CAMTA1: variants seen among roughly 807,000 people sequenced by gnomAD.
CAMTA1 encodes calmodulin binding transcription activator 1.
CAMTA1 carries 27 observed loss-of-function variants against 170.9 expected under a neutral mutation model. The observed-to-expected ratio is 0.16, with a 90% CI of 0.12 to 0.22. The LOEUF is 0.22. Among genes scored for constraint, CAMTA1 ranks in the 10% least tolerant of loss-of-function variants. CAMTA1 has a pLI of 1.00. For synonymous variants in CAMTA1, 833 were observed against 891.5 expected, an observed-to-expected ratio of 0.93 and a Z score of 1.17; for missense variants, 1,619 against 2,217.2, an observed-to-expected ratio of 0.73 and a Z score of 5.42.
At chr1:7,608,560 T>C (rs528389318) in intron 6 of CAMTA1, among the ~76,000 whole-genome samples, 46 of 152,284 alleles carry the variant, frequency 3.0e-4, no homozygotes, top group East Asian at 2.9e-3. Flanking sequence ...GGGAAAGGGA[T>C]TGGGGCTCCA....
chr1:6,926,593 C>G (rs1683308594), intron 3 of CAMTA1, among the ~76,000 whole-genome samples: 1 of 127,768 alleles, frequency 7.8e-6, no homozygotes, highest in East Asian at 2.3e-4. Flanking sequence ...TCTCCCTTTC[C>G]TTTCCTCTCT....
chr1:7,088,189 C>T (rs1004624530), intron 3 of CAMTA1, among the ~76,000 whole-genome samples: 2 of 152,204 alleles, frequency 1.3e-5, no homozygotes, highest in Non-Finnish European at 1.5e-5. Flanking sequence ...GCATCAGCTT[C>T]CTCGGAAAGG....
chr1:6,890,040 T>A (rs1433916453), intron 3 of CAMTA1, among the ~76,000 whole-genome samples: 1 of 152,188 alleles, frequency 6.6e-6, no homozygotes, highest in Non-Finnish European at 1.5e-5. Context: ...GACCTGATTT[T>A]AAAGAGCAGT....
chr1:7,025,946 C>G (rs1701957685), intron 3 of CAMTA1, among the ~76,000 whole-genome samples: 1 of 151,996 alleles, frequency 6.6e-6, no homozygotes, highest in African/African-American at 2.4e-5. Context: ...ATGGCAAGAC[C>G]CTGTCTCTAC....
intron 11 of CAMTA1, among the ~76,000 whole-genome samples, chr1:7,695,545 A>G (rs1236960271): frequency 1.3e-5 from 2 of 152,156 alleles, no homozygotes; most frequent in Non-Finnish European, 2.9e-5. Flanking sequence ...ACAGAGCACG[A>G]TCCATGGTAT....
intron 11 of CAMTA1, among the ~76,000 whole-genome samples, chr1:7,700,137 T>C (rs1336322866): frequency 6.6e-6 from 1 of 151,492 alleles, no homozygotes; most frequent in African/African-American, 2.5e-5. Flanking sequence ...GTATTTTTTT[T>C]CCAAGAGTTT....
intron 7 of CAMTA1, among the ~76,000 whole-genome samples, chr1:7,653,882 C>T (rs1433482184): frequency 1.3e-5 from 2 of 152,188 alleles, no homozygotes; most frequent in Non-Finnish European, 2.9e-5. Context: ...TAGGGACAGG[C>T]ATGAGCAGCC....
chr1:7,479,031 G>A (rs888943675), intron 6 of CAMTA1, among the ~76,000 whole-genome samples: 1 of 152,164 alleles, frequency 6.6e-6, no homozygotes. Context: ...AGACGTGGGC[G>A]GTGGGTGACC....
intron 6 of CAMTA1, among the ~76,000 whole-genome samples, chr1:7,477,573 C>T (rs948865775): frequency 1.3e-5 from 2 of 152,180 alleles, no homozygotes; most frequent in African/African-American, 4.8e-5. Flanking sequence ...GCTGTACCCA[C>T]CTAAAGCCTC....
At chr1:7,094,583 C>T (rs573237383) in intron 4 of CAMTA1, among the ~76,000 whole-genome samples, 10 of 152,238 alleles carry the variant, frequency 6.6e-5, no homozygotes, top group African/African-American at 2.2e-4. Context: ...CCCTGCTTGT[C>T]TCTGTGGCTT....
rs191764544 is a variant in CAMTA1 at position 6,885,975 on chromosome 1, G to A, written c.234+60765G>A. 4.6e-5 allele frequency among the ~76,000 whole-genome samples: 7 copies of A among 152,322 alleles called. No individual in the cohort carries two copies. The East Asian group carries it at 1.4e-3, about 29-fold the overall frequency. ...TTGGTTCACTCTTACCCTGGGCACT[G>A]CTTCCCATGTCCTGTGCGGGCCCTT... On this transcript the variant is annotated intron_variant, in intron 3 of 22. Coordinates refer to ENST00000303635, the MANE Select transcript of CAMTA1 (RefSeq NM_015215.4).
chr1:7,413,041 G>A (rs997901538), intron 5 of CAMTA1, among the ~76,000 whole-genome samples: 126 of 150,414 alleles, frequency 8.4e-4, no homozygotes, highest in African/African-American at 2.9e-3. Context: ...GTTTTTCTCA[G>A]GTTTGTCAAA....
At chr1:7,737,631 G>A in intron 15 of CAMTA1, 61 bp downstream of exon 15, 1 of 1,432,624 alleles carries the variant, frequency 7.0e-7, no homozygotes, top group Non-Finnish European at 9.5e-7. Flanking sequence ...CTTTCATGCA[G>A]CTGCCCTCAG....
intron 3 of CAMTA1, among the ~76,000 whole-genome samples, chr1:6,991,166 G>A (rs1696312703): frequency 6.6e-6 from 1 of 152,056 alleles, no homozygotes; most frequent in Non-Finnish European, 1.5e-5. Context: ...TAGGTTTCCA[G>A]TTTTTGGCTA....
chr1:7,279,867 C>A (rs1254182803), intron 5 of CAMTA1, among the ~76,000 whole-genome samples: 1 of 152,010 alleles, frequency 6.6e-6, no homozygotes, highest in Admixed American at 6.5e-5. Flanking sequence ...TCCCTCTAGA[C>A]CAAAAAAAAA....
chr1:7,136,746 A>G (rs1469143843), intron 4 of CAMTA1, among the ~76,000 whole-genome samples: 10 of 152,120 alleles, frequency 6.6e-5, no homozygotes, highest in Admixed American at 5.2e-4. Flanking sequence ...CTGGTCGATG[A>G]GTGGCATTTG....
intron 4 of CAMTA1, among the ~76,000 whole-genome samples, chr1:7,103,962 T>TAC (rs1427065327): frequency 7.1e-6 from 1 of 141,330 alleles, no homozygotes; most frequent in East Asian, 2.1e-4. Flanking sequence ...TACATACAAC[T>TAC]ACACACACGC....
At chr1:7,365,246 T>C (rs1574940157) in intron 5 of CAMTA1, among the ~76,000 whole-genome samples, 1 of 152,240 alleles carries the variant, frequency 6.6e-6, no homozygotes, top group East Asian at 1.9e-4. Context: ...TGGATGGGCT[T>C]GATGGTCTGA....
chr1:7,034,043 G>A (rs758599868), intron 3 of CAMTA1, among the ~76,000 whole-genome samples: 1 of 152,072 alleles, frequency 6.6e-6, no homozygotes, highest in Non-Finnish European at 1.5e-5. Context: ...CCACTACTGA[G>A]GTAAAACTCT....
Sources: gnomAD v4.1 joint callset for allele counts (sites outside exome capture counted in the v4.1 genomes callset) on GRCh38, gnomAD v4.1.1 for gene constraint, MANE v1.5 for transcripts, NCBI Gene and HGNC (gene_info 2026-07-23, HGNC 2026-07-21) for gene names.